Variants in TAFA1 observed in about 807,000 individuals in gnomAD.
The protein encoded by TAFA1 is chemokine-like protein TAFA-1.
Under a neutral mutation model 18.5 loss-of-function variants are expected in TAFA1, and 4 were observed. That is an observed-to-expected ratio of 0.22 (90% CI 0.11 to 0.49). TAFA1 has a LOEUF of 0.49. Ranked by LOEUF, TAFA1 falls within the 20% of genes least tolerant of loss-of-function variation. The pLI, the probability that TAFA1 is intolerant of heterozygous loss-of-function variation, is 0.98. For synonymous variants in TAFA1, 56 were observed against 55.2 expected (o/e 1.01, Z -0.06); for missense variants, 147 against 169.0 (o/e 0.87, Z 0.72).
At chr3:68,230,493 T>A (rs1356719373) in intron 2 of TAFA1, among the ~76,000 whole-genome samples, 1 of 152,230 alleles carries the variant, frequency 6.6e-6, no homozygotes, top group African/African-American at 2.4e-5. Context: ...TGTGTATATG[T>A]ACCACATTTT....
chr3:68,313,005 G>A (rs2068545875), intron 2 of TAFA1, among the ~76,000 whole-genome samples: 1 of 152,142 alleles, frequency 6.6e-6, no homozygotes, highest in Non-Finnish European at 1.5e-5. Context: ...AAGAGAGCTT[G>A]TGCAGGGAGA....
chr3:68,497,884 G>T (rs771498969), intron 3 of TAFA1, among the ~76,000 whole-genome samples: 1 of 152,150 alleles, frequency 6.6e-6, no homozygotes, highest in Non-Finnish European at 1.5e-5. Flanking sequence ...TGGGAGTGAT[G>T]GCATGGATAG....
At chr3:68,459,975 G>T (rs552364542) in intron 3 of TAFA1, among the ~76,000 whole-genome samples, 3 of 152,190 alleles carry the variant, frequency 2.0e-5, no homozygotes, top group Non-Finnish European at 4.4e-5. Flanking sequence ...TGAGGGAAAC[G>T]TGTTAAGGCC....
intron 2 of TAFA1, among the ~76,000 whole-genome samples, chr3:68,348,292 T>C (rs2069200387): frequency 6.6e-6 from 1 of 152,196 alleles, no homozygotes; most frequent in Non-Finnish European, 1.5e-5. Flanking sequence ...ACAGTTAGTC[T>C]ATACTAACCA....
intron 2 of TAFA1, among the ~76,000 whole-genome samples, chr3:68,186,861 G>C (rs1202987543): frequency 1.3e-5 from 2 of 151,998 alleles, no homozygotes; most frequent in Non-Finnish European, 2.9e-5. Context: ...CTTGCTAGGA[G>C]ATGTCCCTTC....
intron 2 of TAFA1, among the ~76,000 whole-genome samples, chr3:68,394,807 A>C (rs2070340768): frequency 6.6e-6 from 1 of 152,234 alleles, no homozygotes; most frequent in Non-Finnish European, 1.5e-5. Flanking sequence ...CTCAAGGTAG[A>C]TTAAAGATTT....
At chr3:68,315,373 G>A (rs17232177) in intron 2 of TAFA1, among the ~76,000 whole-genome samples, 3,941 of 152,010 alleles carry the variant, frequency 0.026, 91 homozygotes, top group East Asian at 0.098. Context: ...GGGAATGGCC[G>A]TTCTACCTCC....
chr3:68,010,645 A>G (rs1455991699), intron 2 of TAFA1, among the ~76,000 whole-genome samples: 5 of 152,178 alleles, frequency 3.3e-5, no homozygotes, highest in Non-Finnish European at 7.3e-5. Flanking sequence ...GGAATGCACC[A>G]TTTATTTTCA....
At chr3:68,402,998 T>C (rs563401127) in intron 2 of TAFA1, among the ~76,000 whole-genome samples, 6 of 152,304 alleles carry the variant, frequency 3.9e-5, no homozygotes, top group Non-Finnish European at 7.4e-5. Context: ...GACAGACCTA[T>C]AAGATAACAT....
intron 2 of TAFA1, among the ~76,000 whole-genome samples, chr3:68,096,135 G>A (rs1365681925): frequency 6.6e-6 from 1 of 151,868 alleles, no homozygotes; most frequent in Non-Finnish European, 1.5e-5. Context: ...CTACCTCCTT[G>A]AGATTAAATT....
At chr3:68,232,487 G>T (rs1178488456) in intron 2 of TAFA1, among the ~76,000 whole-genome samples, 3 of 152,006 alleles carry the variant, frequency 2.0e-5, no homozygotes, top group African/African-American at 7.3e-5. Context: ...TCTCTATTTT[G>T]GCTATTGTGA....
intron 2 of TAFA1, among the ~76,000 whole-genome samples, chr3:68,119,891 T>C (rs147232842): frequency 1.3e-3 from 200 of 152,338 alleles, no homozygotes; most frequent in African/African-American, 4.5e-3. Context: ...TGCAACTCTA[T>C]AAAGTAAATT....
intron 2 of TAFA1, among the ~76,000 whole-genome samples, chr3:68,012,852 T>C (rs976973253): frequency 2.6e-5 from 4 of 152,140 alleles, no homozygotes; most frequent in Admixed American, 2.0e-4. Context: ...GGCCAGCATT[T>C]CAGAATTATA....
chr3:68,158,362 T>C (rs2065888340), intron 2 of TAFA1, among the ~76,000 whole-genome samples: 1 of 152,096 alleles, frequency 6.6e-6, no homozygotes, highest in Admixed American at 6.6e-5. Flanking sequence ...TACGGTATAG[T>C]GAAAGGGCAT....
At chr3:68,202,280 T>C (rs2066477762) in intron 2 of TAFA1, among the ~76,000 whole-genome samples, 1 of 151,760 alleles carries the variant, frequency 6.6e-6, no homozygotes, top group African/African-American at 2.4e-5. Flanking sequence ...AAACAACATC[T>C]AGTTGGGTCT....
the TAFA1 span, among the ~76,000 whole-genome samples, chr3:67,994,903 C>T: frequency 6.6e-6 from 1 of 152,082 alleles, no homozygotes. Flanking sequence ...CTTCTGGAAC[C>T]AGCGGTTAGC....
intron 2 of TAFA1, among the ~76,000 whole-genome samples, chr3:68,030,819 G>A (rs1164287959): frequency 1.3e-5 from 2 of 152,152 alleles, no homozygotes; most frequent in Admixed American, 6.5e-5. Context: ...CTCTCATACA[G>A]TATATTTTGC....
intron 2 of TAFA1, among the ~76,000 whole-genome samples, chr3:68,367,240 C>T (rs1018805948): frequency 7.2e-5 from 11 of 152,188 alleles, no homozygotes; most frequent in East Asian, 3.9e-4. Context: ...ACGTAATCTA[C>T]GTCCCTCATT....
chr3:68,219,256 C>G (rs2066700886), intron 2 of TAFA1, among the ~76,000 whole-genome samples: 1 of 152,050 alleles, frequency 6.6e-6, no homozygotes, highest in Non-Finnish European at 1.5e-5. Context: ...AACCCAAAGA[C>G]ACTTTTTAAA....
Sources: allele counts gnomAD v4.1 joint callset (sites outside exome capture counted in the v4.1 genomes callset), GRCh38; gene constraint gnomAD v4.1.1; transcripts MANE v1.5; gene names NCBI Gene and HGNC (gene_info 2026-07-23, HGNC 2026-07-21).